TBC1D1: variants seen among roughly 807,000 people sequenced by gnomAD.
The protein encoded by TBC1D1 is TBC1 (tre-2/USP6, BUB2, cdc16) domain family, member 1.
In TBC1D1, 89 loss-of-function variants were observed where a neutral mutation model predicts 125.6. That is an observed-to-expected ratio of 0.71 (90% CI 0.60 to 0.85). The LOEUF (loss-of-function observed/expected upper bound fraction) is 0.85, where lower values mean the gene tolerates loss of function less well. Among genes scored for constraint, TBC1D1 ranks in the 40% least tolerant of loss-of-function variants. TBC1D1 has a pLI of 0.00. For missense variants in TBC1D1, 1,377 were observed against 1,469.2 expected, an observed-to-expected ratio of 0.94 and a Z score of 1.03; for synonymous variants, 565 against 564.1, an observed-to-expected ratio of 1.00 and a Z score of -0.02.
chr4:38,045,938 A>C, intron 10 of TBC1D1, 35 bp downstream of exon 10: 2 of 1,566,514 alleles, frequency 1.3e-6, no homozygotes, highest in Non-Finnish European at 8.8e-7. Flanking sequence ...CACCCTGAAG[A>C]AACCAACAAA....
At chr4:37,921,651 T>C (rs901827887) in intron 2 of TBC1D1, among the ~76,000 whole-genome samples, 2 of 151,900 alleles carry the variant, frequency 1.3e-5, no homozygotes, top group African/African-American at 2.4e-5. Flanking sequence ...GACCTCATGA[T>C]CCGCCTGCCT....
intron 12 of TBC1D1, among the ~76,000 whole-genome samples, chr4:38,080,303 A>G (rs1756327723): frequency 6.6e-6 from 1 of 152,218 alleles, no homozygotes; most frequent in African/African-American, 2.4e-5. Flanking sequence ...ATCTTTTAAA[A>G]AAAATCCACG....
chr4:37,960,686 A>G (rs758429353), intron 2 of TBC1D1: 5 of 1,614,124 alleles, frequency 3.1e-6, no homozygotes, highest in Non-Finnish European at 4.2e-6. Flanking sequence ...GAAAACAAAA[A>G]CAGCCAAGCT....
intron 15 of TBC1D1, among the ~76,000 whole-genome samples, chr4:38,106,973 C>A (rs1482544049): frequency 6.6e-6 from 1 of 151,942 alleles, no homozygotes; most frequent in African/African-American, 2.4e-5. Flanking sequence ...CACCCTCTCC[C>A]TCTGCTGCCC....
At chr4:38,120,919 G>A (rs750037813) in intron 17 of TBC1D1, among the ~76,000 whole-genome samples, 1 of 152,112 alleles carries the variant, frequency 6.6e-6, no homozygotes, top group African/African-American at 2.4e-5. Context: ...TTTTCTATAG[G>A]ACATGCTGCC....
At chr4:38,102,342 A>G (rs982532351) in intron 14 of TBC1D1, among the ~76,000 whole-genome samples, 5 of 151,782 alleles carry the variant, frequency 3.3e-5, no homozygotes, top group Non-Finnish European at 7.4e-5. Flanking sequence ...TTACATGACA[A>G]TTTTTCATAC....
At chr4:38,107,356 C>A (rs1241482462) in intron 15 of TBC1D1, among the ~76,000 whole-genome samples, 1 of 152,192 alleles carries the variant, frequency 6.6e-6, no homozygotes. Context: ...GTTGTTTAGT[C>A]TACACTTTCT....
rs764109831 is a variant in TBC1D1 at position 38,090,023 on chromosome 4, A to G, written c.2142A>G (p.Lys714=). The G allele has an allele frequency of 6.2e-7, 1 of 1,614,156 alleles. No individual in the cohort carries two copies. Among genetic ancestry groups the G allele is most frequent in the South Asian group, 1.1e-5 (1 of 91,064 alleles). The stretch of plus-strand genomic sequence containing the variant: ...TTGGCCCCCCACCAGAGGAAAAGAA[A>G]AGGACATCTCGTGAGCTCCGAGAGC... The change falls in exon 13 of 20, where the codon AAA becomes AAG. Residue 714 remains lysine, a synonymous_variant. Transcript: ENST00000261439.
intron 2 of TBC1D1, among the ~76,000 whole-genome samples, chr4:37,990,196 T>C (rs1290000188): frequency 6.6e-6 from 1 of 152,224 alleles, no homozygotes; most frequent in African/African-American, 2.4e-5. Context: ...AAAAGAAATA[T>C]GTAAGTTTCC....
chr4:38,035,569 T>A lies in TBC1D1; in HGVS notation c.1303-19T>A. On this transcript the variant is annotated intron_variant, in intron 7 of 19. Coordinates refer to ENST00000261439, the MANE Select transcript of TBC1D1 (RefSeq NM_015173.4). ...TTGACGATTAAAAATAAATCCTGTT[T>A]CTGATTTTTGTTTTAAAGAAATTGA... The A allele has an allele frequency of 6.3e-7, 1 of 1,591,052 alleles. No homozygotes were observed. Among genetic ancestry groups the A allele is most frequent in the Non-Finnish European group, 8.6e-7 (1 of 1,161,062 alleles).
At position 38,011,117 on chromosome 4, in the gene TBC1D1, C is replaced by T. The variant is rs150051872; in HGVS notation, c.418-3392C>T. 7.1e-3 allele frequency among the ~76,000 whole-genome samples: 1,084 copies of T among 152,082 alleles called. 14 individuals carry two copies. Among genetic ancestry groups the T allele is most frequent in the African/African-American group, 0.025 (1,024 of 41,508 alleles). ...CTGTAATCCCACCACTTTGGGAGGC[C>T]GAGGCGGGTGGATCACTTGAGGTCA... On this transcript the variant is annotated intron_variant, in intron 2 of 19. Transcript: ENST00000261439.
intron 2 of TBC1D1, among the ~76,000 whole-genome samples, chr4:37,985,122 T>G (rs1197377863): frequency 6.6e-6 from 1 of 151,804 alleles, no homozygotes; most frequent in East Asian, 1.9e-4. Flanking sequence ...CTGGCTAATT[T>G]TTTTGTATTT....
rs546502686 is a variant in TBC1D1 at position 37,943,046 on chromosome 4, G to A, written c.417+40534G>A. ...GACAGGCCTGGTGGTGACAAAATCT[G>A]TCAGCATTTGCTTGTCTGTAAAGGA... On this transcript the variant is annotated intron_variant, in intron 2 of 19. Coordinates refer to ENST00000261439, the MANE Select transcript of TBC1D1 (RefSeq NM_015173.4). Among the ~76,000 whole-genome samples, 3 of 152,216 alleles carry A rather than the reference G, an allele frequency of 2.0e-5. No homozygotes were observed. In the South Asian group the frequency reaches 6.2e-4, roughly 32 times the overall value.
intron 3 of TBC1D1, among the ~76,000 whole-genome samples, chr4:38,016,779 T>C (rs1291157974): frequency 6.6e-6 from 1 of 152,208 alleles, no homozygotes; most frequent in Non-Finnish European, 1.5e-5. Context: ...CCCATGAAAG[T>C]TGTTTTCATC....
chr4:38,091,228 C>G (rs908623151), intron 13 of TBC1D1, among the ~76,000 whole-genome samples: 2 of 152,158 alleles, frequency 1.3e-5, no homozygotes, highest in African/African-American at 2.4e-5. Flanking sequence ...TAAGACCTTT[C>G]GACATGAAAG....
intron 2 of TBC1D1, among the ~76,000 whole-genome samples, chr4:38,007,955 G>A (rs1205143575): frequency 1.3e-5 from 2 of 152,232 alleles, no homozygotes; most frequent in Admixed American, 6.5e-5. Context: ...GAACAGCCAG[G>A]GTAGGGCACT....
chr4:37,911,131 C>CTTTTTTTTTTTTTTTTTTTTTTTTTTTT (rs71658745), intron 2 of TBC1D1, among the ~76,000 whole-genome samples: 1 of 94,888 alleles, frequency 1.1e-5, no homozygotes, highest in African/African-American at 4.0e-5. Flanking sequence ...TCCCCTCCTC[C>CTTTTTTTTTTTTTTTTTTTTTTTTTTTT]TTTTTTTTTT....
intron 11 of TBC1D1, among the ~76,000 whole-genome samples, chr4:38,053,954 A>G (rs1260664997): frequency 1.3e-5 from 2 of 152,198 alleles, no homozygotes; most frequent in South Asian, 2.1e-4. Context: ...ATGTTTCTTA[A>G]TCTCTGTTAC....
chr4:38,091,452 G>C (rs140605386), intron 13 of TBC1D1, among the ~76,000 whole-genome samples: 1 of 152,338 alleles, frequency 6.6e-6, no homozygotes, highest in East Asian at 1.9e-4. Flanking sequence ...AAAGATGTTT[G>C]GTAGTGATGG....
Sources: gnomAD v4.1 joint callset for allele counts (sites outside exome capture counted in the v4.1 genomes callset) on GRCh38, gnomAD v4.1.1 for gene constraint, MANE v1.5 for transcripts, NCBI Gene and HGNC (gene_info 2026-07-23, HGNC 2026-07-21) for gene names.